NCOR1: variants seen among roughly 807,000 people sequenced by gnomAD.
The protein encoded by NCOR1 is nuclear receptor corepressor 1.
Under a neutral mutation model 288.1 loss-of-function variants are expected in NCOR1, and 63 were observed. That is an observed-to-expected ratio of 0.22 (90% CI 0.18 to 0.27). NCOR1 has a LOEUF of 0.27. Among genes scored for constraint, NCOR1 ranks in the 10% least tolerant of loss-of-function variants. NCOR1 has a pLI of 1.00. For synonymous variants in NCOR1, 1,007 were observed against 1,065.9 expected (o/e 0.94, Z 1.08); for missense variants, 2,397 against 3,019.2 (o/e 0.79, Z 4.83).
At chr17:16,104,108 T>C (rs1780345393) in intron 19 of NCOR1, among the ~76,000 whole-genome samples, 1 of 152,248 alleles carries the variant, frequency 6.6e-6, no homozygotes, top group South Asian at 2.1e-4. Context: ...TACATTTATT[T>C]ACTAGAATGA....
At chr17:16,072,026 C>A (rs1414634701) in intron 29 of NCOR1, 119 bp downstream of exon 29, 1 of 784,428 alleles carries the variant, frequency 1.3e-6, no homozygotes, top group Non-Finnish European at 2.0e-6. Flanking sequence ...ATAACCAAGA[C>A]TTTAATATTT....
At chr17:16,165,192 T>G (rs201765279) in intron 4 of NCOR1, 31 bp from the exon 5 acceptor site, 2 of 1,553,066 alleles carry the variant, frequency 1.3e-6, no homozygotes, top group African/African-American at 2.8e-5. Context: ...AAAAACAATT[T>G]ATTTCTCACT....
chr17:16,070,906 G>A (rs1043685676), intron 30 of NCOR1, among the ~76,000 whole-genome samples: 9 of 152,202 alleles, frequency 5.9e-5, no homozygotes, highest in African/African-American at 2.2e-4. Context: ...GCAGGTACCT[G>A]TAATCTCAGC....
At chr17:16,141,504 CTTATAAGAGCATACTATATACTT>C (rs1389534936) in intron 11 of NCOR1, among the ~76,000 whole-genome samples, 8 of 152,220 alleles carry the variant, frequency 5.3e-5, no homozygotes, top group South Asian at 2.1e-4. Flanking sequence ...AACACAGTAA[CTTATAAGAGCATACTATATACTT>C]TTATAAGAGC....
chr17:16,167,852 T>C (rs1250068220), intron 4 of NCOR1, among the ~76,000 whole-genome samples: 66 of 69,560 alleles, frequency 9.5e-4, no homozygotes, highest in Middle Eastern at 0.019. Flanking sequence ...AGAAGAAGAC[T>C]CCATCTCAAA....
rs201797145 is a variant in NCOR1, at chr17:16,061,423, T to C, written c.5859A>G (p.Gln1953=). Residue 1953 remains glutamine, a synonymous_variant, in exon 37 of 46, where the codon CAA becomes CAG. Transcript: ENST00000268712. ...SDKDARERGS[Q]SSDSSSSLSS... Reference sequence around the variant, plus strand: ...TACAGCTACTAGAAGAGTCTGAACTTTGAGAGCCACGTTCCCTCGCATCCT... The same window carrying C: ...TACAGCTACTAGAAGAGTCTGAACTCTGAGAGCCACGTTCCCTCGCATCCT... 1.2e-6 allele frequency: 2 copies of C among 1,614,176 alleles called. No homozygotes were observed. The highest frequency in any genetic ancestry group is 1.3e-5 in the African/African-American group (1 of 75,060).
rs537795184 is a variant in NCOR1, at chr17:16,213,489, C to CAAAAAAAAAAAA, written c.-71+1861_-71+1872dup. On this transcript the variant is annotated intron_variant, in intron 1 of 45. Coordinates refer to ENST00000268712, the MANE Select transcript of NCOR1 (RefSeq NM_006311.4). ...CCTGGGTGACAGAGCAAGACTGTCT[C>CAAAAAAAAAAAA]AAAAAAAAAAAAAAAAAAAAGATAA... Among the ~76,000 whole-genome samples, 85 of 78,118 alleles carry CAAAAAAAAAAAA rather than the reference C, an allele frequency of 1.1e-3. 2 individuals carry two copies. Among genetic ancestry groups the CAAAAAAAAAAAA allele is most frequent in the African/African-American group, 3.4e-3 (81 of 23,936 alleles). 51.2% of individuals were successfully genotyped at this position (78,118 alleles called of 152,430 possible).
chr17:16,192,407 G>A (rs939652409), intron 2 of NCOR1, among the ~76,000 whole-genome samples: 6 of 152,194 alleles, frequency 3.9e-5, no homozygotes, highest in African/African-American at 1.4e-4. Context: ...TGTAATCCCA[G>A]CGCTTTGGAA....
intron 27 of NCOR1, among the ~76,000 whole-genome samples, chr17:16,074,767 A>G (rs1387804806): frequency 1.3e-5 from 2 of 152,234 alleles, no homozygotes; most frequent in African/African-American, 4.8e-5. Flanking sequence ...AGAAAATATA[A>G]CAAGAATACA....
intron 45 of NCOR1, among the ~76,000 whole-genome samples, chr17:16,034,023 T>C (rs1973296789): frequency 6.6e-6 from 1 of 152,196 alleles, no homozygotes; most frequent in Admixed American, 6.5e-5. Flanking sequence ...ACTAGTCTTC[T>C]CATTTCTAAT....
chr17:16,186,507 C>T, intron 3 of NCOR1, 47 bp downstream of exon 3: 1 of 1,572,222 alleles, frequency 6.4e-7, no homozygotes, highest in Middle Eastern at 1.7e-4. Context: ...AACTTGTATA[C>T]TTCACAATTA....
At chr17:16,176,174 G>A (rs1044799578) in intron 3 of NCOR1, among the ~76,000 whole-genome samples, 7 of 152,140 alleles carry the variant, frequency 4.6e-5, no homozygotes, top group South Asian at 2.1e-4. Context: ...AGCCGAGATC[G>A]CATCATTGCA....
rs2152999438 is a variant in NCOR1, at chr17:16,101,702, G to C, written c.2238C>G (p.Asn746Lys). Residue 746 changes from asparagine to lysine, a missense_variant, in exon 20 of 46, where the codon AAC (asparagine) becomes AAG (lysine). Asn to Lys is a moderately conservative substitution (Grantham distance 94, BLOSUM62 0). Coordinates refer to ENST00000268712, the MANE Select transcript of NCOR1 (RefSeq NM_006311.4). The stretch of plus-strand genomic sequence containing the variant: ...GCTCAAGCTCAACCGCAGGTTCTGT[G>C]TTTCCTCGAGAAGTAGCATTTTCAG... The part of the protein sequence containing the change: ...DSPENATSRG[N>K]TEPAVELEPT... 1 of 1,614,230 alleles carries C rather than the reference G, an allele frequency of 6.2e-7. No homozygotes were observed. Among genetic ancestry groups the C allele is most frequent in the African/African-American group, 1.3e-5 (1 of 75,062 alleles).
In NCOR1 at chr17:16,065,529, G is replaced by GA; in HGVS notation, c.4906dup (p.Ser1636PhefsTer19). 6.2e-7 allele frequency: 1 copy of GA among 1,614,184 alleles called. No individual in the cohort carries two copies. Among genetic ancestry groups the GA allele is most frequent in the Non-Finnish European group, 8.5e-7 (1 of 1,180,030 alleles). On this transcript the variant is annotated frameshift_variant, in exon 33 of 46. Coordinates refer to ENST00000268712, the MANE Select transcript of NCOR1 (RefSeq NM_006311.4). LOFTEE classifies it high-confidence loss of function. ...GAGACCCAGTGGCTGCTCTCTTGGGGAGAGTCCTCTGGCCACATCTGGACG... is the reference window on the plus strand; with the variant it reads ...GAGACCCAGTGGCTGCTCTCTTGGGGAAGAGTCCTCTGGCCACATCTGGACG...
intron 3 of NCOR1, among the ~76,000 whole-genome samples, chr17:16,180,671 C>CT (rs1426275292): frequency 2.0e-5 from 3 of 151,724 alleles, no homozygotes; most frequent in Non-Finnish European, 2.9e-5. Flanking sequence ...TCATTTGAGC[C>CT]TGGGAGGTCC....
At chr17:16,068,481 T>TAA (rs2061377787) in intron 31 of NCOR1, 1 of 231,300 alleles carries the variant, frequency 4.3e-6, no homozygotes, top group Admixed American at 5.3e-5. Context: ...CCACATGTAG[T>TAA]AAACTTCAGT....
In NCOR1 at chr17:16,167,614, C is replaced by T. The variant is rs140186791; in HGVS notation, c.436-2453G>A. 6.5e-3 allele frequency among the ~76,000 whole-genome samples: 994 copies of T among 152,000 alleles called. 14 individuals are homozygous for T. The highest frequency in any genetic ancestry group is 0.023 in the African/African-American group (959 of 41,504). ...ATGGCTCACACCTGTAATCCCAGCA[C>T]TTTGGGAGGCCGAGGCGGGCAGATC... On this transcript the variant is annotated intron_variant, in intron 4 of 45. Transcript: ENST00000268712.
At chr17:16,036,979 C>CTT (rs2056521243) in intron 44 of NCOR1, among the ~76,000 whole-genome samples, 1 of 152,222 alleles carries the variant, frequency 6.6e-6, no homozygotes, top group South Asian at 2.1e-4. Context: ...TTCAACATGC[C>CTT]TTTCTCACTA....
At chr17:16,141,165 A>G (rs1182219536) in intron 11 of NCOR1, among the ~76,000 whole-genome samples, 1 of 152,202 alleles carries the variant, frequency 6.6e-6, no homozygotes, top group East Asian at 1.9e-4. Context: ...GCTCTGGAAC[A>G]CTGATAACTC....
Sources: gnomAD v4.1 joint callset for allele counts (sites outside exome capture counted in the v4.1 genomes callset) on GRCh38, gnomAD v4.1.1 for gene constraint, MANE v1.5 for transcripts, NCBI Gene and HGNC (gene_info 2026-07-23, HGNC 2026-07-21) for gene names.